WLS: variants seen among roughly 807,000 people sequenced by gnomAD.
The protein encoded by WLS is protein wntless homolog.
A neutral mutation model predicts 62.8 loss-of-function variants in WLS; 23 were observed. The observed-to-expected ratio is 0.37, with a 90% CI of 0.26 to 0.52. The LOEUF is 0.52. Ranked by LOEUF, WLS falls within the 20% of genes least tolerant of loss-of-function variation. The probability of loss-of-function intolerance (pLI) is 0.92; values close to 1 mark genes in which losing one functional copy is unlikely to be tolerated. For missense variants in WLS, 615 were observed against 697.3 expected, an observed-to-expected ratio of 0.88 and a Z score of 1.33; for synonymous variants, 246 against 244.1, an observed-to-expected ratio of 1.01 and a Z score of -0.07.
At chr1:68,161,833 A>G (rs1646979464) in intron 2 of WLS, 1 of 1,605,452 alleles carries the variant, frequency 6.2e-7, no homozygotes, top group Non-Finnish European at 8.5e-7. Flanking sequence ...AGGATGTGCC[A>G]CTGTTGGGAG....
chr1:68,132,315 G>T (rs1646538674), intron 11 of WLS, among the ~76,000 whole-genome samples: 1 of 152,160 alleles, frequency 6.6e-6, no homozygotes, highest in Non-Finnish European at 1.5e-5. Flanking sequence ...CTGCTTTAGG[G>T]TCTGGGTCCA....
chr1:68,178,177 T>G (rs1011597413), intron 2 of WLS, among the ~76,000 whole-genome samples: 3 of 152,242 alleles, frequency 2.0e-5, no homozygotes, highest in Non-Finnish European at 4.4e-5. Context: ...ACTCCACCTT[T>G]GACTCAATCA....
chr1:68,232,255 G>A lies in WLS; in HGVS notation c.45C>T (p.Cys15=). The A allele has an allele frequency of 6.2e-7, 1 of 1,614,086 alleles. No individual in the cohort carries two copies. The highest frequency in any genetic ancestry group is 8.5e-7 in the Non-Finnish European group (1 of 1,179,988). ...ACACGAGCAGAATCCCACCAACAAT[G>A]CACAGCTTCTTGGTGCTCATGTTTT... ...IIENMSTKKL[C]IVGGILLVFQ... Residue 15 remains cysteine (C), a synonymous_variant, in exon 1 of 12, where the codon TGC becomes TGT. Coordinates refer to ENST00000262348, the MANE Select transcript of WLS (RefSeq NM_024911.7).
At chr1:68,145,745 A>C in intron 9 of WLS, 124 bp downstream of exon 9, 1 of 1,469,754 alleles carries the variant, frequency 6.8e-7, no homozygotes, top group Non-Finnish European at 9.1e-7. Context: ...GAGATCCTAC[A>C]TGAGAATCTC....
intron 11 of WLS, among the ~76,000 whole-genome samples, chr1:68,106,061 G>A (rs1241033982): frequency 1.3e-5 from 2 of 151,832 alleles, no homozygotes; most frequent in Non-Finnish European, 2.9e-5. Context: ...CAAGTACCTC[G>A]CTCTGAAATT....
At chr1:68,105,361 G>A (rs1365610047) in intron 11 of WLS, among the ~76,000 whole-genome samples, 1 of 152,150 alleles carries the variant, frequency 6.6e-6, no homozygotes, top group Non-Finnish European at 1.5e-5. Flanking sequence ...TTTTAAAACA[G>A]GGATTTATAA....
In WLS at chr1:68,150,287, A is replaced by G; in HGVS notation, c.873T>C (p.Phe291=). The change falls in exon 6 of 12, where the codon TTT becomes TTC. Residue 291 remains phenylalanine, a synonymous_variant. Transcript: ENST00000262348. ...NIPVEWFSIG[F]DWTWMLLFGD... is the part of the protein sequence containing the mutation. ...CAAACAGCAGCATCCAGGTCCAGTC[A>G]AACCCGATGGAAAACCATTCCACTG... 6.2e-7 allele frequency: 1 copy of G among 1,614,242 alleles called. No homozygotes were observed. The highest frequency in any genetic ancestry group is 8.5e-7 in the Non-Finnish European group (1 of 1,180,052).
At position 68,188,652 on chromosome 1, in the gene WLS, G is replaced by A. The variant is rs147479508; in HGVS notation, c.379+5303C>T. ...AAATTTGGGATGTTGTGAAGAATGA[G>A]TAGGTTTATCTGGGAGGAGCCCTTC... On this transcript the variant is annotated intron_variant, in intron 2 of 11. Transcript: ENST00000262348. 1.9e-4 allele frequency among the ~76,000 whole-genome samples: 29 copies of A among 152,354 alleles called. No homozygotes were observed. The East Asian group carries it at 4.0e-3, about 21-fold the overall frequency.
intron 2 of WLS, among the ~76,000 whole-genome samples, chr1:68,167,865 C>T (rs1338088693): frequency 1.3e-5 from 2 of 152,114 alleles, no homozygotes; most frequent in Non-Finnish European, 2.9e-5. Flanking sequence ...GTTATGGGGG[C>T]AGTTTCCCCT....
At chr1:68,206,404 C>G (rs1386444733) in intron 1 of WLS, among the ~76,000 whole-genome samples, 1 of 152,170 alleles carries the variant, frequency 6.6e-6, no homozygotes, top group Non-Finnish European at 1.5e-5. Flanking sequence ...CAGTTCACCA[C>G]ACCAGTTGAA....
At chr1:68,139,874 C>G (rs1298578290) in intron 10 of WLS, among the ~76,000 whole-genome samples, 1 of 152,176 alleles carries the variant, frequency 6.6e-6, no homozygotes, top group Non-Finnish European at 1.5e-5. Flanking sequence ...AAAGTAAAGA[C>G]AAAGTATTGC....
At chr1:68,228,838 G>A (rs1650273654) in intron 1 of WLS, among the ~76,000 whole-genome samples, 1 of 57,556 alleles carries the variant, frequency 1.7e-5, no homozygotes, top group Admixed American at 3.6e-4. Context: ...ACAGACACTG[G>A]TGCCAAAAAA....
At chr1:68,194,277 CT>C (rs1557512316) in intron 1 of WLS, 50 bp from the exon 2 acceptor site, 1 of 1,591,016 alleles carries the variant, frequency 6.3e-7, no homozygotes. Flanking sequence ...ATTGAAACTA[CT>C]GTTTCTGGTT....
At chr1:68,127,141 G>A (rs769081828) in intron 11 of WLS, 7 of 384,620 alleles carry the variant, frequency 1.8e-5, no homozygotes, top group Non-Finnish European at 2.6e-5. Context: ...GCTGCAGTGA[G>A]CTATGATTGC....
intron 9 of WLS, 134 bp downstream of exon 9, chr1:68,145,735 G>A: frequency 6.9e-7 from 1 of 1,441,600 alleles, no homozygotes; most frequent in Admixed American, 2.5e-5. Context: ...ATTTTGCCCA[G>A]AGATCCTACA....
intron 1 of WLS, among the ~76,000 whole-genome samples, chr1:68,207,301 A>G (rs150975549): frequency 3.9e-5 from 6 of 152,358 alleles, no homozygotes; most frequent in African/African-American, 1.4e-4. Context: ...TTCCAATACA[A>G]TGAAATAATT....
chr1:68,109,510 A>C (rs1277217340), intron 11 of WLS, among the ~76,000 whole-genome samples: 4 of 152,238 alleles, frequency 2.6e-5, no homozygotes, highest in African/African-American at 9.6e-5. Flanking sequence ...AAATTCATTC[A>C]AAAAATATGA....
At chr1:68,196,902 A>G (rs562611298) in intron 1 of WLS, among the ~76,000 whole-genome samples, 2 of 152,272 alleles carry the variant, frequency 1.3e-5, no homozygotes, top group East Asian at 3.9e-4. Flanking sequence ...TAGCCCACTG[A>G]CATTAGAAAA....
chr1:68,099,205 A>AT (rs565326495), intron 11 of WLS, among the ~76,000 whole-genome samples: 21 of 151,416 alleles, frequency 1.4e-4, no homozygotes, highest in East Asian at 9.7e-4. Flanking sequence ...ATTTATTTTT[A>AT]TTTTTTTTTA....
Sources: allele counts gnomAD v4.1 joint callset (sites outside exome capture counted in the v4.1 genomes callset), GRCh38; gene constraint gnomAD v4.1.1; transcripts MANE v1.5; gene names NCBI Gene and HGNC (gene_info 2026-07-23, HGNC 2026-07-21).